The following ATP10B variants were observed in gnomAD, a reference collection of about 807,000 sequenced individuals.
The protein encoded by ATP10B is ATPase phospholipid transporting 10B (putative).
A neutral mutation model predicts 141.2 loss-of-function variants in ATP10B; 122 were observed. The observed-to-expected ratio is 0.86, with a 90% CI of 0.75 to 1.00. The LOEUF is 1.00. Among genes scored for constraint, ATP10B ranks in the 50% least tolerant of loss-of-function variants. The probability of loss-of-function intolerance (pLI) is 0.00; values close to 1 mark genes in which losing one functional copy is unlikely to be tolerated. For missense variants in ATP10B, 1,876 were observed against 1,825.3 expected (o/e 1.03, Z -0.51); for synonymous variants, 685 against 692.0 (o/e 0.99, Z 0.16).
At chr5:160,642,040 C>T (rs1422117732) in intron 9 of ATP10B, among the ~76,000 whole-genome samples, 2 of 152,112 alleles carry the variant, frequency 1.3e-5, no homozygotes, top group Non-Finnish European at 2.9e-5. Flanking sequence ...CTTCTGAGAC[C>T]CCTCTGTTCT....
intron 13 of ATP10B, among the ~76,000 whole-genome samples, chr5:160,628,945 A>AG (rs1758762359): frequency 6.6e-6 from 1 of 151,788 alleles, no homozygotes; most frequent in Admixed American, 6.5e-5. Context: ...TTGTCATAAA[A>AG]GAAAAAAAAA....
intron 1 of ATP10B, among the ~76,000 whole-genome samples, chr5:160,813,990 C>T (rs1302732572): frequency 6.6e-6 from 1 of 152,106 alleles, no homozygotes; most frequent in African/African-American, 2.4e-5. Context: ...TGTACGTCAC[C>T]ATCATCAAAG....
At chr5:160,576,702 G>C (rs1309733420) in intron 24 of ATP10B, among the ~76,000 whole-genome samples, 1 of 152,202 alleles carries the variant, frequency 6.6e-6, no homozygotes, top group Non-Finnish European at 1.5e-5. Flanking sequence ...AAATGGGAGA[G>C]AAATTAGCAA....
chr5:160,741,205 C>T (rs1267273118), intron 2 of ATP10B, among the ~76,000 whole-genome samples: 1 of 152,134 alleles, frequency 6.6e-6, no homozygotes, highest in Non-Finnish European at 1.5e-5. Context: ...CTCTTTTACC[C>T]TGAAGTGCTA....
chr5:160,693,402 A>AC (rs1764184328), intron 3 of ATP10B, among the ~76,000 whole-genome samples: 1 of 133,976 alleles, frequency 7.5e-6, no homozygotes, highest in Non-Finnish European at 1.6e-5. Flanking sequence ...ATGGGTCAGA[A>AC]AACACACACA....
chr5:160,921,010 C>T, the ATP10B span, among the ~76,000 whole-genome samples: 2 of 152,124 alleles, frequency 1.3e-5, no homozygotes, highest in Non-Finnish European at 2.9e-5. Flanking sequence ...ATACATGCAA[C>T]ACAAATCAAA....
chr5:160,819,654 T>C (rs567930765), intron 1 of ATP10B, among the ~76,000 whole-genome samples: 18 of 152,218 alleles, frequency 1.2e-4, no homozygotes, highest in Middle Eastern at 3.4e-3. Context: ...AAGATATAAA[T>C]AGAAACAAAA....
At chr5:160,921,101 T>G in the ATP10B span, among the ~76,000 whole-genome samples, 48 of 152,324 alleles carry the variant, frequency 3.2e-4, no homozygotes, top group African/African-American at 1.0e-3. Context: ...TCATGTCCTC[T>G]ATCGGATTAA....
intron 3 of ATP10B, among the ~76,000 whole-genome samples, chr5:160,706,412 T>C (rs935987495): frequency 6.6e-6 from 1 of 152,210 alleles, no homozygotes; most frequent in African/African-American, 2.4e-5. Context: ...ATGGATTTAA[T>C]TTGTAATAAT....
intron 1 of ATP10B, among the ~76,000 whole-genome samples, chr5:160,794,672 T>G (rs1441077258): frequency 6.6e-6 from 1 of 152,194 alleles, no homozygotes; most frequent in Non-Finnish European, 1.5e-5. Context: ...TTCTGACTAT[T>G]CTAAAAACAT....
intron 7 of ATP10B, among the ~76,000 whole-genome samples, chr5:160,664,421 A>G (rs1762188226): frequency 6.6e-6 from 1 of 152,212 alleles, no homozygotes; most frequent in South Asian, 2.1e-4. Context: ...GCTATTCGTA[A>G]TTGAGCAAAT....
chr5:160,806,315 A>T lies in ATP10B; in HGVS notation c.-575-20512T>A, dbSNP rs537619807. 2.0e-5 allele frequency among the ~76,000 whole-genome samples: 3 copies of T among 152,342 alleles called. No individual in the cohort carries two copies. The South Asian group carries it at 6.2e-4, about 32-fold the overall frequency. On this transcript the variant is annotated intron_variant, in intron 1 of 25. Transcript: ENST00000327245. ...GTCCAATTACACTCCCCTGACCCAG[A>T]TAAAGGTCAACTGTGTTCCTGACAC... is the stretch of plus-strand genomic sequence containing the variant.
the ATP10B span, among the ~76,000 whole-genome samples, chr5:160,911,457 A>G: frequency 6.6e-6 from 1 of 152,180 alleles, no homozygotes; most frequent in Non-Finnish European, 1.5e-5. Flanking sequence ...CCGTTCACCA[A>G]ATGTGGCCAG....
At chr5:160,685,200 T>C (rs1452745951) in intron 6 of ATP10B, 3 of 603,206 alleles carry the variant, frequency 5.0e-6, no homozygotes, top group Non-Finnish European at 8.9e-6. Context: ...TTTTCCACCT[T>C]TTCCTCCCTT....
chr5:160,652,409 C>A (rs1315557745), intron 7 of ATP10B, among the ~76,000 whole-genome samples: 2 of 140,146 alleles, frequency 1.4e-5, no homozygotes, highest in Non-Finnish European at 3.1e-5. Flanking sequence ...AACTGCTGAG[C>A]CTTACAAACC....
intron 1 of ATP10B, among the ~76,000 whole-genome samples, chr5:160,845,985 T>C (rs1039333371): frequency 2.6e-5 from 4 of 152,212 alleles, no homozygotes; most frequent in African/African-American, 9.6e-5. Flanking sequence ...AAATATTCTT[T>C]TGCTTTGTGG....
chr5:160,731,771 G>A (rs953013414), intron 2 of ATP10B, among the ~76,000 whole-genome samples: 1 of 152,166 alleles, frequency 6.6e-6, no homozygotes, highest in Non-Finnish European at 1.5e-5. Flanking sequence ...ATCTTTGCTT[G>A]ACCCTGAATT....
At chr5:160,873,591 A>G in the ATP10B span, among the ~76,000 whole-genome samples, 3 of 152,150 alleles carry the variant, frequency 2.0e-5, no homozygotes, top group African/African-American at 7.2e-5. Context: ...GACACAGAAG[A>G]CGGGTGATTT....
intron 1 of ATP10B, among the ~76,000 whole-genome samples, chr5:160,851,545 T>C (rs1753814938): frequency 6.6e-6 from 1 of 152,206 alleles, no homozygotes; most frequent in South Asian, 2.1e-4. Context: ...AGCCATGTAA[T>C]GATCTCATTC....
Sources: gnomAD v4.1 joint callset for allele counts (sites outside exome capture counted in the v4.1 genomes callset) on GRCh38, gnomAD v4.1.1 for gene constraint, MANE v1.5 for transcripts, NCBI Gene and HGNC (gene_info 2026-07-23, HGNC 2026-07-21) for gene names.